The following NRG3 variants were observed in gnomAD, a reference collection of about 807,000 sequenced individuals.
NRG3 encodes the protein pro-neuregulin-3, membrane-bound isoform.
NRG3 carries 31 observed loss-of-function variants against 66.9 expected under a neutral mutation model. The observed-to-expected ratio is 0.46, with a 90% CI of 0.35 to 0.63. NRG3 has a LOEUF of 0.63. Among genes scored for constraint, NRG3 ranks in the 20% least tolerant of loss-of-function variants. NRG3 has a pLI of 0.00. For synonymous variants in NRG3, 393 were observed against 359.4 expected, an observed-to-expected ratio of 1.09 and a Z score of -1.06; for missense variants, 910 against 878.9, an observed-to-expected ratio of 1.04 and a Z score of -0.45.
At chr10:82,968,033 T>A (rs149759863) in intron 6 of NRG3, among the ~76,000 whole-genome samples, 1 of 152,348 alleles carries the variant, frequency 6.6e-6, no homozygotes, top group East Asian at 1.9e-4. Flanking sequence ...CACCTGTTTC[T>A]CCAGATTTAA....
chr10:82,824,499 G>C (rs1452458123), intron 3 of NRG3, among the ~76,000 whole-genome samples: 1 of 151,978 alleles, frequency 6.6e-6, no homozygotes, highest in South Asian at 2.1e-4. Flanking sequence ...ATGTATGCGG[G>C]GCTTCGACTT....
At chr10:82,959,360 T>C (rs1850386121) in intron 6 of NRG3, among the ~76,000 whole-genome samples, 1 of 152,180 alleles carries the variant, frequency 6.6e-6, no homozygotes, top group South Asian at 2.1e-4. Context: ...ACTTGTTGAA[T>C]CCTTAGTTTG....
At chr10:81,952,790 T>C (rs1449698834) in intron 1 of NRG3, among the ~76,000 whole-genome samples, 1 of 152,044 alleles carries the variant, frequency 6.6e-6, no homozygotes, top group East Asian at 1.9e-4. Flanking sequence ...ATTTTTATTT[T>C]TGTAGAGAAG....
chr10:82,781,123 C>T (rs141636368), intron 3 of NRG3, among the ~76,000 whole-genome samples: 197 of 152,254 alleles, frequency 1.3e-3, no homozygotes, highest in Non-Finnish European at 2.3e-3. Flanking sequence ...ACAGTGTTTT[C>T]CTTCAATCTT....
At chr10:82,358,426 G>T (rs2083912882) in intron 1 of NRG3, among the ~76,000 whole-genome samples, 1 of 152,178 alleles carries the variant, frequency 6.6e-6, no homozygotes, top group African/African-American at 2.4e-5. Flanking sequence ...TGTTAAAACT[G>T]AAATTAATGA....
intron 2 of NRG3, among the ~76,000 whole-genome samples, chr10:82,702,834 A>G (rs1297740507): frequency 6.6e-6 from 1 of 152,168 alleles, no homozygotes; most frequent in East Asian, 1.9e-4. Flanking sequence ...TCTTTGTATC[A>G]GATGTACATA....
chr10:82,252,963 G>C (rs1285787851), intron 1 of NRG3, among the ~76,000 whole-genome samples: 1 of 152,052 alleles, frequency 6.6e-6, no homozygotes, highest in Admixed American at 6.6e-5. Flanking sequence ...TGCAACTACA[G>C]TCATTAGCAT....
chr10:82,825,615 A>G (rs1591639285), intron 3 of NRG3, among the ~76,000 whole-genome samples: 1 of 152,172 alleles, frequency 6.6e-6, no homozygotes, highest in African/African-American at 2.4e-5. Context: ...CTTTTTTCCC[A>G]GCTTTGCTCT....
chr10:82,698,809 A>G (rs2055607779), intron 2 of NRG3, among the ~76,000 whole-genome samples: 4 of 152,080 alleles, frequency 2.6e-5, no homozygotes, highest in Admixed American at 2.6e-4. Context: ...TTGCGTCAGT[A>G]CTGCTTCTAA....
intron 1 of NRG3, among the ~76,000 whole-genome samples, chr10:81,986,022 T>A (rs2060504719): frequency 2.0e-5 from 3 of 152,228 alleles, no homozygotes; most frequent in Admixed American, 2.0e-4. Context: ...TGGCTTGTTT[T>A]GTCTTTTTAA....
At chr10:82,982,392 G>A (rs1251595848) in intron 8 of NRG3, among the ~76,000 whole-genome samples, 3 of 152,190 alleles carry the variant, frequency 2.0e-5, no homozygotes, top group African/African-American at 7.2e-5. Context: ...ATGAGAGGAA[G>A]ACTGGCCCAA....
At chr10:82,844,815 C>A (rs1006015887) in intron 3 of NRG3, among the ~76,000 whole-genome samples, 2 of 151,878 alleles carry the variant, frequency 1.3e-5, no homozygotes, top group African/African-American at 4.8e-5. Context: ...AAAAAAAAGT[C>A]TTTGCTTCTA....
intron 2 of NRG3, among the ~76,000 whole-genome samples, chr10:82,439,463 C>T (rs1213686912): frequency 6.6e-6 from 1 of 151,850 alleles, no homozygotes. Flanking sequence ...AAAAATTGCC[C>T]CCATATGTAT....
At chr10:82,507,854 T>A (rs1844828955) in intron 2 of NRG3, among the ~76,000 whole-genome samples, 2 of 152,186 alleles carry the variant, frequency 1.3e-5, no homozygotes, top group Admixed American at 6.5e-5. Flanking sequence ...TTTGTCTGTT[T>A]CTCTGCTGAC....
intron 1 of NRG3, among the ~76,000 whole-genome samples, chr10:81,984,252 C>G (rs547667520): frequency 6.6e-6 from 1 of 152,322 alleles, no homozygotes; most frequent in Non-Finnish European, 1.5e-5. Context: ...GGTACTTTGT[C>G]ATAGCAGCAA....
In NRG3 at chr10:82,289,910, C is replaced by T. The variant is rs533328982; in HGVS notation, c.824-68829C>T. On this transcript the variant is annotated intron_variant, in intron 1 of 8. Transcript: ENST00000372141. ...CATTGTTAGGACAGCAAGCATCAGG[C>T]AATTCCCCATGGCCCTGTTTTCTGA... Among the ~76,000 whole-genome samples the T allele has an allele frequency of 7.9e-5, 12 of 152,330 alleles. No homozygotes were observed. In the South Asian group the frequency reaches 1.2e-3, roughly 16 times the overall value.
At chr10:82,134,299 G>A (rs916105939) in intron 1 of NRG3, among the ~76,000 whole-genome samples, 5 of 152,064 alleles carry the variant, frequency 3.3e-5, no homozygotes, top group Admixed American at 6.6e-5. Context: ...CTTTCGTAGC[G>A]ATTTCTTTTG....
At chr10:82,977,802 G>T (rs1191693854) in intron 7 of NRG3, among the ~76,000 whole-genome samples, 9 of 151,956 alleles carry the variant, frequency 5.9e-5, no homozygotes, top group Non-Finnish European at 8.8e-5. Context: ...AATAATATTT[G>T]TAAAGTCCTG....
intron 1 of NRG3, among the ~76,000 whole-genome samples, chr10:82,239,959 G>A (rs909779943): frequency 2.0e-5 from 3 of 151,996 alleles, no homozygotes; most frequent in East Asian, 1.9e-4. Context: ...ATATTATAAC[G>A]CCTTTCCCAT....
Sources: allele counts gnomAD v4.1 joint callset (sites outside exome capture counted in the v4.1 genomes callset), GRCh38; gene constraint gnomAD v4.1.1; transcripts MANE v1.5; gene names NCBI Gene and HGNC (gene_info 2026-07-23, HGNC 2026-07-21).